FARP1: variants seen among roughly 807,000 people sequenced by gnomAD.
The protein encoded by FARP1 is FERM, ARHGEF and pleckstrin domain-containing protein 1.
In FARP1, 52 loss-of-function variants were observed where a neutral mutation model predicts 128.8. That is an observed-to-expected ratio of 0.40 (90% CI 0.32 to 0.51). FARP1 has a LOEUF of 0.51. Among genes scored for constraint, FARP1 ranks in the 20% least tolerant of loss-of-function variants. The probability of loss-of-function intolerance (pLI) is 0.45; values close to 1 mark genes in which losing one functional copy is unlikely to be tolerated. For missense variants in FARP1, 1,333 were observed against 1,367.9 expected, an observed-to-expected ratio of 0.97 and a Z score of 0.40; for synonymous variants, 580 against 551.8, an observed-to-expected ratio of 1.05 and a Z score of -0.72.
At chr13:98,444,173 C>G (rs903448639) in intron 24 of FARP1, among the ~76,000 whole-genome samples, 4 of 152,146 alleles carry the variant, frequency 2.6e-5, no homozygotes, top group South Asian at 2.1e-4. Flanking sequence ...CAGCTGTCCT[C>G]CCTGTATCTG....
intron 2 of FARP1, among the ~76,000 whole-genome samples, chr13:98,308,199 G>GT (rs948312940): frequency 2.6e-5 from 4 of 152,000 alleles, no homozygotes; most frequent in Admixed American, 6.6e-5. Flanking sequence ...TGTTTACGTG[G>GT]TTTTTCCCAA....
At chr13:98,252,211 TATA>T (rs1266284004) in intron 2 of FARP1, among the ~76,000 whole-genome samples, 1 of 152,242 alleles carries the variant, frequency 6.6e-6, no homozygotes, top group Non-Finnish European at 1.5e-5. Context: ...AGATTAGAGT[TATA>T]ATGACTTTAT....
At chr13:98,250,324 G>C (rs1280421477) in intron 2 of FARP1, among the ~76,000 whole-genome samples, 1 of 152,108 alleles carries the variant, frequency 6.6e-6, no homozygotes, top group African/African-American at 2.4e-5. Context: ...TTTTGGGTTT[G>C]TACATGATTT....
chr13:98,381,836 A>G (rs180743771), intron 6 of FARP1: 42 of 152,276 alleles, frequency 2.8e-4, no homozygotes, highest in African/African-American at 1.0e-3. Flanking sequence ...CTGATGTGAC[A>G]CTTTCAGCAT....
At chr13:98,380,713 C>G (rs1034260786) in intron 6 of FARP1, among the ~76,000 whole-genome samples, 1 of 151,928 alleles carries the variant, frequency 6.6e-6, no homozygotes, top group Non-Finnish European at 1.5e-5. Flanking sequence ...AGCTGGGACT[C>G]TAGGCACATG....
In FARP1 at chr13:98,391,665, G is replaced by A. The variant is rs554384417; in HGVS notation, c.1088+785G>A. Among the ~76,000 whole-genome samples the A allele has an allele frequency of 9.2e-5, 14 of 152,308 alleles. No homozygotes were observed. In the South Asian group the frequency reaches 2.9e-3, roughly 32 times the overall value. ...GCTGTTCCGAGCACTGGGCCTGAGT[G>A]AACTCATTGAGTCTTCACCTCAGCT... On this transcript the variant is annotated intron_variant, in intron 11 of 26. Transcript: ENST00000319562.
intron 1 of FARP1, among the ~76,000 whole-genome samples, chr13:98,151,526 T>G (rs1875996405): frequency 6.6e-6 from 1 of 152,116 alleles, no homozygotes; most frequent in Non-Finnish European, 1.5e-5. Context: ...TAAACATTGG[T>G]TGATTTGAAC....
intron 6 of FARP1, among the ~76,000 whole-genome samples, chr13:98,381,881 G>A (rs775153666): frequency 3.9e-5 from 6 of 152,082 alleles, no homozygotes; most frequent in Non-Finnish European, 7.4e-5. Flanking sequence ...AGCTGGGTGC[G>A]GTGGCTCATG....
rs553945629 is a variant in FARP1 at position 98,451,577 on chromosome 13, C to T, written c.*3260C>T. 1 of 152,184 alleles carries T rather than the reference C, an allele frequency of 6.6e-6. No individual in the cohort carries two copies. 9.4% of individuals were successfully genotyped at this position (152,184 alleles called of 1,614,324 possible). The stretch of plus-strand genomic sequence containing the variant: ...ACTCAAGCATCTGTAGCTCAGGGCT[C>T]TGTCCCCTCCCTATAGCTTAGAGGC... On this transcript the variant is annotated 3_prime_UTR_variant, in exon 27 of 27. Transcript: ENST00000319562.
rs2291175 is a variant in FARP1 at position 98,410,724 on chromosome 13, G to T, written c.1603-10G>T. On this transcript the variant is annotated splice_polypyrimidine_tract_variant and intron_variant, in intron 14 of 26. Transcript: ENST00000319562. ...TTATTGCGCTTTGTTTCTTTTGCTGGGTTTTGCAGAGATTCCCAACTGATA... is the reference window on the plus strand; with the variant it reads ...TTATTGCGCTTTGTTTCTTTTGCTGTGTTTTGCAGAGATTCCCAACTGATA... The T allele has an allele frequency of 0.039, 59,431 of 1,515,532 alleles. 1,526 individuals are homozygous for T. The highest frequency in any genetic ancestry group is 0.084 in the South Asian group (7,229 of 86,284). 93.9% of individuals were successfully genotyped at this position (1,515,532 alleles called of 1,614,324 possible). A position where few individuals can be genotyped will look rare whatever the true frequency, so the allele number is the denominator to read the frequency against.
intron 5 of FARP1, among the ~76,000 whole-genome samples, chr13:98,373,564 A>G (rs1005269858): frequency 6.6e-6 from 1 of 151,588 alleles, no homozygotes; most frequent in Non-Finnish European, 1.5e-5. Flanking sequence ...ACACACACAC[A>G]CACACACACA....
At chr13:98,187,018 A>AT (rs1878925142) in intron 1 of FARP1, among the ~76,000 whole-genome samples, 1 of 147,470 alleles carries the variant, frequency 6.8e-6, no homozygotes, top group Non-Finnish European at 1.5e-5. Context: ...AAAAAAAAAA[A>AT]GCCATTAACG....
At chr13:98,318,135 T>A (rs964742808) in intron 2 of FARP1, among the ~76,000 whole-genome samples, 25 of 140,018 alleles carry the variant, frequency 1.8e-4, no homozygotes, top group African/African-American at 6.2e-4. Flanking sequence ...AGTGGCACAA[T>A]CATGGCTCAC....
chr13:98,356,129 A>G (rs1177172948), intron 3 of FARP1, among the ~76,000 whole-genome samples: 1 of 152,216 alleles, frequency 6.6e-6, no homozygotes, highest in Non-Finnish European at 1.5e-5. Context: ...GTTCAAATCT[A>G]TTATTTATTT....
chr13:98,187,489 G>A (rs1224244899), intron 1 of FARP1, among the ~76,000 whole-genome samples: 1 of 152,204 alleles, frequency 6.6e-6, no homozygotes, highest in African/African-American at 2.4e-5. Flanking sequence ...AGGTGGAGAT[G>A]TGGGGGAGGA....
intron 2 of FARP1, among the ~76,000 whole-genome samples, chr13:98,277,050 G>A (rs1221488304): frequency 6.7e-6 from 1 of 150,236 alleles, no homozygotes; most frequent in Non-Finnish European, 1.5e-5. Flanking sequence ...ATGTTTGTTA[G>A]ATCAAATCAG....
intron 2 of FARP1, among the ~76,000 whole-genome samples, chr13:98,272,785 T>C (rs1884450651): frequency 6.6e-6 from 1 of 152,110 alleles, no homozygotes; most frequent in Admixed American, 6.5e-5. Context: ...AGATGATTAG[T>C]GAGGATTATA....
intron 2 of FARP1, among the ~76,000 whole-genome samples, chr13:98,311,210 C>T (rs1285245901): frequency 1.3e-5 from 2 of 152,212 alleles, no homozygotes; most frequent in East Asian, 3.8e-4. Flanking sequence ...TGCAAACCTG[C>T]AAGCTTCAGG....
In FARP1 at chr13:98,232,395, T is replaced by C. The variant is rs1367291331; in HGVS notation, c.171+18982T>C. On this transcript the variant is annotated intron_variant, in intron 2 of 26. Transcript: ENST00000319562. The stretch of plus-strand genomic sequence containing the variant: ...GGGCACCAATGTGCCTAGTTAATAA[T>C]GTATGCAAAGATCATCTCCTTACAG... 4.6e-5 allele frequency among the ~76,000 whole-genome samples: 7 copies of C among 152,230 alleles called. No individual in the cohort carries two copies. In the South Asian group the frequency reaches 1.4e-3, roughly 31 times the overall value.
Sources: gnomAD v4.1 joint callset for allele counts (sites outside exome capture counted in the v4.1 genomes callset) on GRCh38, gnomAD v4.1.1 for gene constraint, MANE v1.5 for transcripts, NCBI Gene and HGNC (gene_info 2026-07-23, HGNC 2026-07-21) for gene names.